The following PCDH15 variants were observed in gnomAD, a reference collection of about 807,000 sequenced individuals.
PCDH15 encodes the protein protocadherin related 15.
PCDH15 carries 129 observed loss-of-function variants against 178.5 expected under a neutral mutation model. The ratio of observed to expected loss-of-function variants is 0.72; its 90% CI spans 0.63 to 0.84. The LOEUF is 0.84. Among genes scored for constraint, PCDH15 ranks in the 40% least tolerant of loss-of-function variants. The probability of loss-of-function intolerance (pLI) is 0.00; values close to 1 mark genes in which losing one functional copy is unlikely to be tolerated. For synonymous variants in PCDH15, 800 were observed against 732.0 expected (o/e 1.09, Z -1.50); for missense variants, 2,230 against 2,099.9 (o/e 1.06, Z -1.21).
intron 2 of PCDH15, among the ~76,000 whole-genome samples, chr10:55,619,135 C>A (rs1589191231): frequency 6.6e-6 from 1 of 151,942 alleles, no homozygotes; most frequent in Non-Finnish European, 1.5e-5. Context: ...TGTTGATGTA[C>A]TAAACCCAAT....
intron 27 of PCDH15, 115 bp from the exon 28 acceptor site, chr10:53,857,378 T>G: frequency 2.6e-6 from 2 of 759,290 alleles, no homozygotes. Context: ...TTTCTGATTT[T>G]CAAATTCAGG....
At chr10:55,128,232 CT>C (rs947724133) in intron 2 of PCDH15, among the ~76,000 whole-genome samples, 6 of 151,762 alleles carry the variant, frequency 4.0e-5, no homozygotes, top group Non-Finnish European at 4.4e-5. Context: ...TACTACCATC[CT>C]TTTTTTTCTA....
chr10:54,094,548 A>G (rs574392693), intron 15 of PCDH15, among the ~76,000 whole-genome samples: 1 of 152,154 alleles, frequency 6.6e-6, no homozygotes, highest in South Asian at 2.1e-4. Flanking sequence ...AAGAACAACA[A>G]CGAGGTTGTC....
intron 4 of PCDH15, among the ~76,000 whole-genome samples, chr10:54,377,479 T>G (rs769651906): frequency 6.6e-6 from 1 of 152,248 alleles, no homozygotes; most frequent in South Asian, 2.1e-4. Context: ...CAGGAAAACA[T>G]AATTCACAAG....
intron 1 of PCDH15, among the ~76,000 whole-genome samples, chr10:54,777,772 A>C (rs1326731042): frequency 1.3e-5 from 2 of 152,192 alleles, no homozygotes; most frequent in Non-Finnish European, 2.9e-5. Context: ...AAAGAAAAAA[A>C]TTGAGAAAAT....
chr10:54,233,022 CA>C (rs771127598), intron 9 of PCDH15, among the ~76,000 whole-genome samples: 2 of 150,892 alleles, frequency 1.3e-5, no homozygotes, highest in Non-Finnish European at 2.9e-5. Context: ...TGCAGCCCTG[CA>C]GCCTTGACTT....
chr10:54,371,997 C>T (rs932048964), intron 4 of PCDH15, among the ~76,000 whole-genome samples: 1 of 151,720 alleles, frequency 6.6e-6, no homozygotes, highest in African/African-American at 2.4e-5. Context: ...TAGAAGTTTC[C>T]TGGAAAGAAT....
intron 2 of PCDH15, among the ~76,000 whole-genome samples, chr10:55,458,496 A>AG (rs372589119): frequency 3.1e-4 from 47 of 152,202 alleles, no homozygotes; most frequent in African/African-American, 9.9e-4. Context: ...TTAAAGAAAA[A>AG]TACAAATTTA....
chr10:55,198,665 T>C (rs1840160945), intron 1 of PCDH15, among the ~76,000 whole-genome samples: 1 of 151,596 alleles, frequency 6.6e-6, no homozygotes, highest in Admixed American at 6.6e-5. Flanking sequence ...TTTTTTTTTT[T>C]TTTGTATTTT....
At chr10:54,118,772 A>ATTT (rs1329963619) in intron 15 of PCDH15, among the ~76,000 whole-genome samples, 1 of 118,936 alleles carries the variant, frequency 8.4e-6, no homozygotes, top group East Asian at 7.9e-4. Context: ...GGAAAGTTTT[A>ATTT]TTTTTATTTT....
chr10:54,673,510 C>T (rs1020864417), intron 1 of PCDH15, among the ~76,000 whole-genome samples: 2 of 152,092 alleles, frequency 1.3e-5, no homozygotes, highest in Non-Finnish European at 2.9e-5. Context: ...ATGATCTCGG[C>T]TCACTGCGAC....
chr10:55,497,799 C>A (rs1228034695), intron 2 of PCDH15, among the ~76,000 whole-genome samples: 1 of 151,828 alleles, frequency 6.6e-6, no homozygotes, highest in Non-Finnish European at 1.5e-5. Context: ...TCATTTATTT[C>A]ACATAAACTC....
intron 37 of PCDH15, chr10:53,809,433 T>A: frequency 6.2e-7 from 1 of 1,614,010 alleles, no homozygotes; most frequent in Non-Finnish European, 8.5e-7. Context: ...CTCTCTTCCA[T>A]GTTGTGTATG....
intron 28 of PCDH15, among the ~76,000 whole-genome samples, chr10:53,847,309 T>A (rs1372774430): frequency 6.6e-6 from 1 of 152,072 alleles, no homozygotes; most frequent in African/African-American, 2.4e-5. Flanking sequence ...TTATCTAGCA[T>A]CATAGAGAGT....
rs1014760642 is a variant in PCDH15, at chr10:55,603,548, G to A, written c.-156+24077C>T. Among the ~76,000 whole-genome samples, 9 of 151,884 alleles carry A rather than the reference G, an allele frequency of 5.9e-5. 1 individual carries two copies. Among genetic ancestry groups the A allele is most frequent in the Middle Eastern group, 3.2e-3 (1 of 316 alleles). ...CCATCAGACTAACAGTGAATCTCTC[G>A]GCAGAAACCCTACAAGCCAGAAGAG... On this transcript the variant is annotated intron_variant, in intron 2 of 5. Coordinates refer to the PCDH15 transcript ENST00000613346.
intron 2 of PCDH15, among the ~76,000 whole-genome samples, chr10:54,974,055 T>A (rs914181489): frequency 2.4e-4 from 36 of 147,716 alleles, no homozygotes; most frequent in African/African-American, 8.6e-4. Context: ...TCTCTCTCTC[T>A]CTCACACACA....
At chr10:55,018,787 A>T (rs1385907909) in intron 2 of PCDH15, among the ~76,000 whole-genome samples, 1 of 152,142 alleles carries the variant, frequency 6.6e-6, no homozygotes, top group Non-Finnish European at 1.5e-5. Context: ...AGCAGCTAGA[A>T]CATTTTGTTG....
intron 18 of PCDH15, among the ~76,000 whole-genome samples, chr10:54,029,556 A>G (rs2093229318): frequency 6.6e-6 from 1 of 152,182 alleles, no homozygotes; most frequent in South Asian, 2.1e-4. Context: ...AGAACTTTGA[A>G]TAATTGCCAG....
intron 16 of PCDH15, among the ~76,000 whole-genome samples, chr10:54,081,285 G>A (rs187413396): frequency 1.4e-3 from 201 of 145,876 alleles, no homozygotes; most frequent in African/African-American, 4.7e-3. Flanking sequence ...AATCTATATC[G>A]CCTCCCAACT....
Sources: allele counts gnomAD v4.1 joint callset (sites outside exome capture counted in the v4.1 genomes callset), GRCh38; gene constraint gnomAD v4.1.1; transcripts MANE v1.5; gene names NCBI Gene and HGNC (gene_info 2026-07-23, HGNC 2026-07-21).